The following MLLT3 variants were observed in gnomAD, a reference collection of about 807,000 sequenced individuals.
MLLT3 encodes MLLT3 super elongation complex subunit, also known as protein AF-9.
A neutral mutation model predicts 53.2 loss-of-function variants in MLLT3; 4 were observed. The observed-to-expected ratio is 0.08, with a 90% CI of 0.04 to 0.17. MLLT3 has a LOEUF of 0.17. Ranked by LOEUF, MLLT3 falls within the 10% of genes least tolerant of loss-of-function variation. The probability of loss-of-function intolerance (pLI) is 1.00; values close to 1 mark genes in which losing one functional copy is unlikely to be tolerated. For missense variants in MLLT3, 569 were observed against 684.0 expected (o/e 0.83, Z 1.87); for synonymous variants, 283 against 230.6 (o/e 1.23, Z -2.06).
intron 2 of MLLT3, among the ~76,000 whole-genome samples, chr9:20,529,724 CTTTTTTTTTTT>C (rs5896896): frequency 1.3e-5 from 1 of 76,410 alleles, no homozygotes; most frequent in Non-Finnish European, 2.4e-5. Context: ...TAATCCAATC[CTTTTTTTTTTT>C]TTTTTTTTTT....
At position 20,620,489 on chromosome 9, in the gene MLLT3, A is replaced by C. The variant is rs1326302149; in HGVS notation, c.193+165T>G. Among the ~76,000 whole-genome samples the C allele has an allele frequency of 1.3e-5, 2 of 150,104 alleles. No homozygotes were observed. Among genetic ancestry groups the C allele is most frequent in the Non-Finnish European group, 3.0e-5 (2 of 67,492 alleles). ...AAGCCGAAGTGGCGCGCGCGCGGGCAGGCGGGAGCCGGGACCTGGCCCGCG... is the reference window on the plus strand; with the variant it reads ...AAGCCGAAGTGGCGCGCGCGCGGGCCGGCGGGAGCCGGGACCTGGCCCGCG... On this transcript the variant is annotated intron_variant, in intron 2 of 10. Transcript: ENST00000380338. The surrounding 1 kb of genome is among the most constrained non-coding windows in gnomAD (Gnocchi z 6.1).
chr9:20,404,823 C>A (rs1300539920), intron 5 of MLLT3, among the ~76,000 whole-genome samples: 1 of 152,068 alleles, frequency 6.6e-6, no homozygotes, highest in Admixed American at 6.6e-5. Context: ...TCTTTTTATT[C>A]CAAGTGTAGA....
chr9:20,367,929 A>T (rs928453140), intron 5 of MLLT3, among the ~76,000 whole-genome samples: 1 of 152,200 alleles, frequency 6.6e-6, no homozygotes, highest in Non-Finnish European at 1.5e-5. Context: ...CAACTTGGAC[A>T]CAAGGAAACA....
intron 5 of MLLT3, among the ~76,000 whole-genome samples, chr9:20,396,031 C>A (rs944212250): frequency 3.3e-5 from 5 of 152,112 alleles, no homozygotes; most frequent in African/African-American, 1.2e-4. Flanking sequence ...ATTCAGTAGA[C>A]AAGATGAAGC....
chr9:20,348,153 T>C (rs1302348422), intron 10 of MLLT3, among the ~76,000 whole-genome samples: 3 of 152,208 alleles, frequency 2.0e-5, no homozygotes, highest in Non-Finnish European at 4.4e-5. Flanking sequence ...AGCCTTAATA[T>C]TAAAATAAGC....
rs557021187 is a variant in MLLT3, at chr9:20,481,875, G to C, written c.194-25089C>G. Among the ~76,000 whole-genome samples the C allele has an allele frequency of 2.0e-5, 3 of 152,288 alleles. No individual in the cohort carries two copies. In the East Asian group the frequency reaches 5.8e-4, roughly 29 times the overall value. On this transcript the variant is annotated intron_variant, in intron 2 of 10. Coordinates refer to ENST00000380338, the MANE Select transcript of MLLT3 (RefSeq NM_004529.4). ...AACTAGAAGAGGAATACCTTACTTA[G>C]CATTCAAGAACCAGCATTGCCACTG...
At chr9:20,499,786 G>A (rs1825171817) in intron 2 of MLLT3, among the ~76,000 whole-genome samples, 1 of 152,122 alleles carries the variant, frequency 6.6e-6, no homozygotes, top group Non-Finnish European at 1.5e-5. Flanking sequence ...CAAATAGGGT[G>A]TAAAAATGTA....
At position 20,448,156 on chromosome 9, in the gene MLLT3, C is replaced by G; in HGVS notation, c.387G>C (p.Glu129Asp). Residue 129 changes from glutamate (E) to aspartate (D), a missense_variant, in exon 4 of 11, where the codon GAG becomes GAC. This residue lies in a region of MLLT3 where 39 missense variants were observed against 68.8 expected (regional missense o/e 0.57). Coordinates refer to ENST00000380338, the MANE Select transcript of MLLT3 (RefSeq NM_004529.4). The surrounding 1 kb of genome is among the most constrained non-coding windows in gnomAD (Gnocchi z 4.0). ...CCTTCAGCAACTTTCTCCTAAAGTC[C>G]TCTGTGGGGTTGTTGAAAGTTAGCT... ...CEKLTFNNPTEDFRRKLLKAG... is the reference protein window; with the variant it reads ...CEKLTFNNPTDDFRRKLLKAG... 1.2e-6 allele frequency: 2 copies of G among 1,613,362 alleles called. No homozygotes were observed. Among genetic ancestry groups the G allele is most frequent in the South Asian group, 2.2e-5 (2 of 91,012 alleles).
chr9:20,518,861 T>G (rs1587017075), intron 2 of MLLT3, among the ~76,000 whole-genome samples: 1 of 152,210 alleles, frequency 6.6e-6, no homozygotes, highest in Non-Finnish European at 1.5e-5. Flanking sequence ...AAAGACAGAC[T>G]GAGCAACTCA....
chr9:20,395,970 T>A (rs1012635665), intron 5 of MLLT3, among the ~76,000 whole-genome samples: 3 of 152,166 alleles, frequency 2.0e-5, no homozygotes, highest in African/African-American at 7.2e-5. Context: ...CAGGACAGCA[T>A]AGGCTTGTTC....
chr9:20,573,269 T>C (rs1347759610), intron 2 of MLLT3, among the ~76,000 whole-genome samples: 1 of 151,952 alleles, frequency 6.6e-6, no homozygotes, highest in Non-Finnish European at 1.5e-5. Context: ...AACCTCAAAT[T>C]CCAGGGCTGA....
chr9:20,360,936 C>G, intron 7 of MLLT3, 95 bp from the exon 8 acceptor site: 1 of 1,061,232 alleles, frequency 9.4e-7, no homozygotes, highest in Non-Finnish European at 1.4e-6. Flanking sequence ...AATCCAAACA[C>G]TAACCCTTGA....
chr9:20,460,102 T>C (rs1284138601), intron 2 of MLLT3, among the ~76,000 whole-genome samples: 3 of 152,220 alleles, frequency 2.0e-5, no homozygotes, highest in Non-Finnish European at 4.4e-5. Context: ...GATACTACAT[T>C]AGATATAAAG....
At chr9:20,587,849 G>A (rs949768905) in intron 2 of MLLT3, among the ~76,000 whole-genome samples, 2 of 152,156 alleles carry the variant, frequency 1.3e-5, no homozygotes, top group Non-Finnish European at 2.9e-5. Context: ...AGTTTACTTA[G>A]ATCCCATTTG....
At chr9:20,528,167 C>G (rs1199102691) in intron 2 of MLLT3, among the ~76,000 whole-genome samples, 1 of 152,216 alleles carries the variant, frequency 6.6e-6, no homozygotes, top group Non-Finnish European at 1.5e-5. Flanking sequence ...AAAGACCCAT[C>G]CTAATGATTT....
chr9:20,388,415 C>T (rs562203639), intron 5 of MLLT3, among the ~76,000 whole-genome samples: 12 of 152,092 alleles, frequency 7.9e-5, no homozygotes, highest in African/African-American at 2.7e-4. Flanking sequence ...GGTGAAACCC[C>T]GTCTCTACTA....
chr9:20,549,066 G>A (rs930393552), intron 2 of MLLT3, among the ~76,000 whole-genome samples: 2 of 151,952 alleles, frequency 1.3e-5, no homozygotes, highest in African/African-American at 4.8e-5. Context: ...CCACACACCC[G>A]GGCCTGCCAA....
At chr9:20,425,092 G>C (rs1295708622) in intron 4 of MLLT3, among the ~76,000 whole-genome samples, 1 of 152,080 alleles carries the variant, frequency 6.6e-6, no homozygotes, top group African/African-American at 2.4e-5. Context: ...AATAACTTTA[G>C]GATAACCTGA....
At chr9:20,394,281 C>G (rs570803497) in intron 5 of MLLT3, among the ~76,000 whole-genome samples, 49 of 152,174 alleles carry the variant, frequency 3.2e-4, no homozygotes, top group Non-Finnish European at 5.4e-4. Context: ...TTGCCACTTA[C>G]GGAGGCAGGG....
Sources: gnomAD v4.1 joint callset for allele counts (sites outside exome capture counted in the v4.1 genomes callset) on GRCh38, gnomAD v4.1.1 for gene constraint, gnomAD v4.1.1 regional missense constraint, Gnocchi (gnomAD v3.1) non-coding constraint, MANE v1.5 for transcripts, NCBI Gene and HGNC (gene_info 2026-07-23, HGNC 2026-07-21) for gene names.